OPCML: variants seen among roughly 807,000 people sequenced by gnomAD.
OPCML encodes the protein opioid binding protein/cell adhesion molecule like.
A neutral mutation model predicts 37.8 loss-of-function variants in OPCML; 13 were observed. The observed-to-expected ratio is 0.34, with a 90% CI of 0.22 to 0.55. OPCML has a LOEUF of 0.55. Among genes scored for constraint, OPCML ranks in the 20% least tolerant of loss-of-function variants. The probability of loss-of-function intolerance (pLI) is 0.91; values close to 1 mark genes in which losing one functional copy is unlikely to be tolerated. For synonymous variants in OPCML, 176 were observed against 168.8 expected, an observed-to-expected ratio of 1.04 and a Z score of -0.33; for missense variants, 341 against 435.6, an observed-to-expected ratio of 0.78 and a Z score of 1.93.
intron 1 of OPCML, among the ~76,000 whole-genome samples, chr11:133,027,265 A>G (rs1014033656): frequency 6.6e-6 from 1 of 152,256 alleles, no homozygotes; most frequent in Non-Finnish European, 1.5e-5. Flanking sequence ...CACAGGAGAC[A>G]ATAGTAATAA....
intron 1 of OPCML, among the ~76,000 whole-genome samples, chr11:133,393,888 A>G (rs750615561): frequency 1.3e-5 from 2 of 152,202 alleles, no homozygotes; most frequent in Non-Finnish European, 2.9e-5. Flanking sequence ...GTCTTGAAGG[A>G]CTTGGATCAC....
rs188697461 is a variant in OPCML, at chr11:132,537,208, T to A, written c.380-8022A>T. Among the ~76,000 whole-genome samples, 354 of 152,294 alleles carry A rather than the reference T, an allele frequency of 2.3e-3. 1 individual carries two copies. The highest frequency in any genetic ancestry group is 3.9e-3 in the Admixed American group (59 of 15,300). On this transcript the variant is annotated intron_variant, in intron 3 of 7. Coordinates refer to ENST00000524381, the MANE Select transcript of OPCML (RefSeq NM_001012393.5). ...ATTCCCAACACATTCTTAGAAAATA[T>A]GCACAATTAAAAATCAGCATAAGGA...
At chr11:133,345,419 C>T (rs1221323563) in intron 1 of OPCML, among the ~76,000 whole-genome samples, 5 of 152,094 alleles carry the variant, frequency 3.3e-5, no homozygotes, top group Admixed American at 6.5e-5. Flanking sequence ...TGTATATTTC[C>T]CAAACATATT....
intron 3 of OPCML, among the ~76,000 whole-genome samples, chr11:132,597,391 CA>C (rs1205184258): frequency 6.6e-6 from 1 of 152,208 alleles, no homozygotes; most frequent in East Asian, 1.9e-4. Flanking sequence ...AGGCTTTTAA[CA>C]TATGGCTGGC....
chr11:132,825,178 G>T (rs928382421), intron 2 of OPCML, among the ~76,000 whole-genome samples: 2 of 152,032 alleles, frequency 1.3e-5, no homozygotes, highest in South Asian at 2.1e-4. Context: ...CCATCTCTAA[G>T]TTTTCCTCAA....
chr11:132,784,113 C>A (rs1947123533), intron 2 of OPCML, among the ~76,000 whole-genome samples: 1 of 152,108 alleles, frequency 6.6e-6, no homozygotes, highest in South Asian at 2.1e-4. Context: ...CTGTAGCAAC[C>A]TGCCCAGAAA....
intron 2 of OPCML, among the ~76,000 whole-genome samples, chr11:132,811,677 C>T (rs537938187): frequency 3.3e-5 from 5 of 152,276 alleles, no homozygotes; most frequent in African/African-American, 1.2e-4. Context: ...AATGAACCCC[C>T]AACAGCCTGC....
chr11:132,973,501 G>A (rs571459913), intron 1 of OPCML, among the ~76,000 whole-genome samples: 1 of 152,248 alleles, frequency 6.6e-6, no homozygotes, highest in Admixed American at 6.5e-5. Flanking sequence ...TATTATAATT[G>A]CTCCAACACC....
chr11:133,234,265 A>AC lies in OPCML; in HGVS notation c.62-291256_62-291255insG, dbSNP rs1351792957. On this transcript the variant is annotated intron_variant, in intron 1 of 7. Coordinates refer to ENST00000524381, the MANE Select transcript of OPCML (RefSeq NM_001012393.5). ...GCAAAACCAAACAACAACAACAACA[A>AC]AAAAAAAACACAGTTTTTACTTCTT... Among the ~76,000 whole-genome samples, 286 of 151,352 alleles carry AC rather than the reference A, an allele frequency of 1.9e-3. 2 individuals are homozygous for AC. The highest frequency in any genetic ancestry group is 6.3e-3 in the African/African-American group (256 of 40,926).
chr11:132,884,034 T>C (rs1449229766), intron 2 of OPCML, among the ~76,000 whole-genome samples: 1 of 152,192 alleles, frequency 6.6e-6, no homozygotes. Flanking sequence ...GGATCATAGA[T>C]TTATAGAGCT....
chr11:133,152,463 C>T (rs550791740), intron 1 of OPCML, among the ~76,000 whole-genome samples: 2 of 152,198 alleles, frequency 1.3e-5, no homozygotes, highest in South Asian at 2.1e-4. Context: ...CCACATCGAC[C>T]GGGAAGAATG....
intron 1 of OPCML, among the ~76,000 whole-genome samples, chr11:133,410,634 TAAAAAAAAAAAAAAAAAAAAAAAA>T (rs71038527): frequency 7.2e-4 from 34 of 47,016 alleles, no homozygotes; most frequent in South Asian, 2.5e-3. Context: ...AGAAAAAAAG[TAAAAAAAAAAAAAAAAAAAAAAAA>T]AAAAAAAAAA....
chr11:133,398,860 C>T (rs1423774911), intron 1 of OPCML, among the ~76,000 whole-genome samples: 1 of 152,146 alleles, frequency 6.6e-6, no homozygotes, highest in African/African-American at 2.4e-5. Context: ...ACCTAATTTT[C>T]TATTAGCCCT....
At chr11:133,399,529 A>G (rs1045266400) in intron 1 of OPCML, among the ~76,000 whole-genome samples, 5 of 152,132 alleles carry the variant, frequency 3.3e-5, no homozygotes, top group African/African-American at 1.2e-4. Context: ...GCAGTTGCAG[A>G]CCAACCTCAT....
At chr11:133,047,161 C>T (rs1018315703) in intron 1 of OPCML, among the ~76,000 whole-genome samples, 2 of 152,178 alleles carry the variant, frequency 1.3e-5, no homozygotes, top group African/African-American at 2.4e-5. Flanking sequence ...TTCACGTGGC[C>T]CCGTGTGGAA....
chr11:133,313,055 G>C (rs939345989), intron 1 of OPCML, among the ~76,000 whole-genome samples: 5 of 152,178 alleles, frequency 3.3e-5, no homozygotes, highest in African/African-American at 1.2e-4. Flanking sequence ...GACAGCATAA[G>C]CCTGCACTAC....
intron 1 of OPCML, among the ~76,000 whole-genome samples, chr11:133,453,266 T>C (rs1250544630): frequency 6.6e-6 from 1 of 152,204 alleles, no homozygotes; most frequent in South Asian, 2.1e-4. Context: ...AATTGAAAAC[T>C]TAATCAGAAT....
intron 3 of OPCML, among the ~76,000 whole-genome samples, chr11:132,548,360 C>G (rs1306521526): frequency 6.6e-6 from 1 of 152,154 alleles, no homozygotes; most frequent in Non-Finnish European, 1.5e-5. Flanking sequence ...TCCCTGGCAC[C>G]TGCCCCCCTA....
intron 1 of OPCML, among the ~76,000 whole-genome samples, chr11:133,498,318 G>A (rs1322186183): frequency 6.6e-6 from 1 of 152,188 alleles, no homozygotes; most frequent in Non-Finnish European, 1.5e-5. Context: ...GCTGGGTCAA[G>A]ACATGAAGTA....
Sources: gnomAD v4.1 joint callset for allele counts (sites outside exome capture counted in the v4.1 genomes callset) on GRCh38, gnomAD v4.1.1 for gene constraint, MANE v1.5 for transcripts, NCBI Gene and HGNC (gene_info 2026-07-23, HGNC 2026-07-21) for gene names.